The following TMEM163 variants were observed in gnomAD, a reference collection of about 807,000 sequenced individuals.
TMEM163 encodes transmembrane protein 163.
Under a neutral mutation model 29.3 loss-of-function variants are expected in TMEM163, and 17 were observed. The ratio of observed to expected loss-of-function variants is 0.58; its 90% CI spans 0.40 to 0.87. TMEM163 has a LOEUF of 0.87. Ranked by LOEUF, TMEM163 falls within the 40% of genes least tolerant of loss-of-function variation. The probability of loss-of-function intolerance (pLI) is 0.00; values close to 1 mark genes in which losing one functional copy is unlikely to be tolerated. For synonymous variants in TMEM163, 157 were observed against 160.6 expected (o/e 0.98, Z 0.17); for missense variants, 303 against 381.5 (o/e 0.79, Z 1.71).
At chr2:134,485,031 C>T (rs896444196) in intron 5 of TMEM163, among the ~76,000 whole-genome samples, 12 of 152,194 alleles carry the variant, frequency 7.9e-5, no homozygotes, top group Admixed American at 6.5e-4. Context: ...AATTTCTGGC[C>T]GTATCAATCA....
chr2:134,545,404 T>A (rs1292494584), intron 4 of TMEM163, among the ~76,000 whole-genome samples: 2 of 152,336 alleles, frequency 1.3e-5, no homozygotes, highest in Non-Finnish European at 2.9e-5. Context: ...CTGCTTTCCC[T>A]GCCTTTGCAG....
At chr2:134,638,096 ATT>A (rs1445246750) in intron 2 of TMEM163, among the ~76,000 whole-genome samples, 1 of 152,196 alleles carries the variant, frequency 6.6e-6, no homozygotes, top group Non-Finnish European at 1.5e-5. Context: ...TAATATATAC[ATT>A]GTTTTGCCTC....
intron 2 of TMEM163, among the ~76,000 whole-genome samples, chr2:134,597,149 T>C (rs899954488): frequency 1.2e-4 from 18 of 152,102 alleles, no homozygotes; most frequent in African/African-American, 3.9e-4. Context: ...TCCAACACTA[T>C]GTTGAATAGG....
At chr2:134,594,210 G>C (rs1196590202) in intron 2 of TMEM163, among the ~76,000 whole-genome samples, 1 of 151,324 alleles carries the variant, frequency 6.6e-6, no homozygotes, top group Non-Finnish European at 1.5e-5. Context: ...AAGGAGGATG[G>C]GCCTGGAAAG....
At chr2:134,538,703 G>A (rs115475952) in intron 4 of TMEM163, among the ~76,000 whole-genome samples, 13 of 152,326 alleles carry the variant, frequency 8.5e-5, no homozygotes, top group African/African-American at 3.1e-4. Context: ...ACTAAGGAAA[G>A]AAAGAAAAGA....
intron 2 of TMEM163, among the ~76,000 whole-genome samples, chr2:134,601,701 T>C (rs1165523179): frequency 1.3e-5 from 2 of 152,198 alleles, no homozygotes; most frequent in Non-Finnish European, 2.9e-5. Flanking sequence ...ACAACATCAG[T>C]ACCATCAGGG....
At chr2:134,702,057 G>C (rs1684716841) in intron 2 of TMEM163, among the ~76,000 whole-genome samples, 1 of 152,068 alleles carries the variant, frequency 6.6e-6, no homozygotes, top group South Asian at 2.1e-4. Flanking sequence ...GGGAAGCCTG[G>C]GTAGCCCAAA....
chr2:134,603,806 G>A (rs1682288571), intron 2 of TMEM163, among the ~76,000 whole-genome samples: 1 of 142,218 alleles, frequency 7.0e-6, no homozygotes, highest in Non-Finnish European at 1.5e-5. Flanking sequence ...GCCCACATCT[G>A]GTGAGTGTAT....
chr2:134,658,363 T>C (rs2104856391), intron 2 of TMEM163, among the ~76,000 whole-genome samples: 1 of 152,298 alleles, frequency 6.6e-6, no homozygotes, highest in East Asian at 1.9e-4. Flanking sequence ...CTTTGTGAGG[T>C]TTTGTTTAAA....
intron 2 of TMEM163, among the ~76,000 whole-genome samples, chr2:134,681,848 C>T (rs936164931): frequency 6.6e-6 from 1 of 152,178 alleles, no homozygotes; most frequent in African/African-American, 2.4e-5. Flanking sequence ...TTTTCACATA[C>T]CCCAAAGCAC....
rs557836229 is a variant in TMEM163 at position 134,486,294 on chromosome 2, G to A, written c.555+16607C>T. Reference sequence around the variant, plus strand: ...AGCTCATTTACCCACCCCCAAAACCGAATGTGAACAAAACACAAGGAAGGC... The same window carrying A: ...AGCTCATTTACCCACCCCCAAAACCAAATGTGAACAAAACACAAGGAAGGC... On this transcript the variant is annotated intron_variant, in intron 5 of 7. Coordinates refer to ENST00000281924, the MANE Select transcript of TMEM163 (RefSeq NM_030923.5). Among the ~76,000 whole-genome samples, 173 of 152,132 alleles carry A rather than the reference G, an allele frequency of 1.1e-3. 1 individual carries two copies. The highest frequency in any genetic ancestry group is 4.0e-3 in the African/African-American group (167 of 41,504).
At chr2:134,492,887 C>G (rs1299395221) in intron 5 of TMEM163, among the ~76,000 whole-genome samples, 1 of 152,178 alleles carries the variant, frequency 6.6e-6, no homozygotes, top group East Asian at 1.9e-4. Context: ...CTAGTTCCTA[C>G]AGTAAATAGA....
chr2:134,577,368 A>C (rs560707301), intron 2 of TMEM163, among the ~76,000 whole-genome samples: 100 of 152,306 alleles, frequency 6.6e-4, no homozygotes, highest in African/African-American at 2.3e-3. Context: ...AAGTCCCTTT[A>C]GACGGCGAAA....
At chr2:134,706,170 T>C (rs984438472) in intron 2 of TMEM163, among the ~76,000 whole-genome samples, 1 of 152,156 alleles carries the variant, frequency 6.6e-6, no homozygotes, top group Non-Finnish European at 1.5e-5. Flanking sequence ...AATAGAAGCC[T>C]GGATGCTTCA....
At chr2:134,632,687 C>T (rs1244617440) in intron 2 of TMEM163, among the ~76,000 whole-genome samples, 5 of 151,712 alleles carry the variant, frequency 3.3e-5, no homozygotes, top group African/African-American at 1.2e-4. Context: ...GCATGGACCC[C>T]ATTCATGGTG....
At chr2:134,675,747 A>T (rs1487857773) in intron 2 of TMEM163, among the ~76,000 whole-genome samples, 1 of 152,232 alleles carries the variant, frequency 6.6e-6, no homozygotes, top group Non-Finnish European at 1.5e-5. Context: ...GTGAAACAGC[A>T]GCACTAATGA....
At chr2:134,523,624 GGT>G (rs1286067228) in intron 4 of TMEM163, among the ~76,000 whole-genome samples, 3 of 152,116 alleles carry the variant, frequency 2.0e-5, no homozygotes, top group Non-Finnish European at 4.4e-5. Flanking sequence ...AATTCATCTT[GGT>G]AGGAATTACT....
chr2:134,594,144 A>T (rs1682004021), intron 2 of TMEM163, among the ~76,000 whole-genome samples: 1 of 152,162 alleles, frequency 6.6e-6, no homozygotes, highest in South Asian at 2.1e-4. Context: ...AAACGTGTGT[A>T]TCTGGCTTAC....
intron 4 of TMEM163, among the ~76,000 whole-genome samples, chr2:134,518,514 A>C (rs2106493999): frequency 6.6e-6 from 1 of 152,354 alleles, no homozygotes; most frequent in Non-Finnish European, 1.5e-5. Flanking sequence ...AGTGCTGACT[A>C]AATACAAGGC....
Sources: gnomAD v4.1 joint callset for allele counts (sites outside exome capture counted in the v4.1 genomes callset) on GRCh38, gnomAD v4.1.1 for gene constraint, MANE v1.5 for transcripts, NCBI Gene and HGNC (gene_info 2026-07-23, HGNC 2026-07-21) for gene names.